SOX5: variants seen among roughly 807,000 people sequenced by gnomAD.
SOX5 encodes transcription factor SOX-5.
A neutral mutation model predicts 92.0 loss-of-function variants in SOX5; 9 were observed. That is an observed-to-expected ratio of 0.10 (90% CI 0.06 to 0.17). SOX5 has a LOEUF of 0.17. Among genes scored for constraint, SOX5 ranks in the 10% least tolerant of loss-of-function variants. The pLI is 1.00. For synonymous variants in SOX5, 344 were observed against 336.3 expected (o/e 1.02, Z -0.25); for missense variants, 642 against 944.5 (o/e 0.68, Z 4.20).
At position 24,022,069 on chromosome 12, in the gene SOX5, T is replaced by C. The variant is rs972644713; in HGVS notation, c.-1-126045A>G. Among the ~76,000 whole-genome samples, 7 of 152,178 alleles carry C rather than the reference T, an allele frequency of 4.6e-5. No individual in the cohort carries two copies. In the East Asian group the frequency reaches 9.6e-4, roughly 21 times the overall value. On this transcript the variant is annotated intron_variant, in intron 4 of 4. Transcript: ENST00000446891. ...GCACTGGAGATAAAATGCTATCTAA[T>C]AGCAGACAACATTCTTGCTGACATG...
intron 4 of SOX5, among the ~76,000 whole-genome samples, chr12:24,093,411 T>C (rs1316431687): frequency 6.6e-6 from 1 of 151,532 alleles, no homozygotes; most frequent in Non-Finnish European, 1.5e-5. Context: ...TAGTCCCAAC[T>C]ACTCGGGAAG....
At chr12:24,318,517 C>T (rs926361556) in intron 2 of SOX5, among the ~76,000 whole-genome samples, 1 of 152,174 alleles carries the variant, frequency 6.6e-6, no homozygotes, top group Non-Finnish European at 1.5e-5. Context: ...ATCTTTTGAA[C>T]AGAGAGACAT....
At chr12:23,554,483 G>C (rs1044424656) in intron 11 of SOX5, among the ~76,000 whole-genome samples, 1 of 152,134 alleles carries the variant, frequency 6.6e-6, no homozygotes, top group African/African-American at 2.4e-5. Context: ...ACTGGGCTTT[G>C]AGCTGTAAGA....
At chr12:23,933,309 CAT>C (rs1941847195) in intron 1 of SOX5, among the ~76,000 whole-genome samples, 1 of 151,634 alleles carries the variant, frequency 6.6e-6, no homozygotes, top group African/African-American at 2.4e-5. Flanking sequence ...ATGGAAAAAA[CAT>C]AACATATACT....
At chr12:23,779,943 GAC>G (rs2095237146) in intron 3 of SOX5, among the ~76,000 whole-genome samples, 1 of 124,318 alleles carries the variant, frequency 8.0e-6, no homozygotes, top group Non-Finnish European at 1.7e-5. Context: ...GTGTGCATGA[GAC>G]ACAGCGAGAC....
chr12:23,835,109 G>T (rs543877454), intron 3 of SOX5, among the ~76,000 whole-genome samples: 1 of 151,494 alleles, frequency 6.6e-6, no homozygotes, highest in African/African-American at 2.4e-5. Flanking sequence ...CTGGACACCC[G>T]GAAGTAGAGA....
At chr12:24,182,117 AGTT>A (rs1955558711) in intron 4 of SOX5, among the ~76,000 whole-genome samples, 1 of 152,196 alleles carries the variant, frequency 6.6e-6, no homozygotes, top group Non-Finnish European at 1.5e-5. Context: ...TAGAGATAAT[AGTT>A]ATTAATAAAG....
intron 1 of SOX5, among the ~76,000 whole-genome samples, chr12:24,530,719 A>G (rs1255405173): frequency 6.7e-6 from 1 of 150,354 alleles, no homozygotes; most frequent in Non-Finnish European, 1.5e-5. Context: ...CTCCAGCCTG[A>G]GTGACAATGC....
At chr12:24,420,437 C>T (rs746525710) in intron 1 of SOX5, among the ~76,000 whole-genome samples, 1 of 152,058 alleles carries the variant, frequency 6.6e-6, no homozygotes, top group Non-Finnish European at 1.5e-5. Context: ...ACCATTTGAG[C>T]CTCAAAGGGT....
intron 3 of SOX5, among the ~76,000 whole-genome samples, chr12:23,813,455 C>G (rs1451249308): frequency 6.6e-6 from 1 of 152,058 alleles, no homozygotes; most frequent in African/African-American, 2.4e-5. Flanking sequence ...GGCTCATTCA[C>G]CTGCATACCA....
At chr12:24,017,593 C>G (rs1953796508) in intron 4 of SOX5, among the ~76,000 whole-genome samples, 1 of 151,528 alleles carries the variant, frequency 6.6e-6, no homozygotes, top group Non-Finnish European at 1.5e-5. Flanking sequence ...GAGTGAGACT[C>G]TATCTCAAAA....
intron 1 of SOX5, among the ~76,000 whole-genome samples, chr12:24,559,395 C>G (rs1265391173): frequency 6.6e-6 from 1 of 152,164 alleles, no homozygotes; most frequent in Non-Finnish European, 1.5e-5. Context: ...AACATTAGAA[C>G]TCTCCGTTAT....
intron 13 of SOX5, among the ~76,000 whole-genome samples, chr12:23,542,493 T>TAATC (rs1942288890): frequency 6.6e-6 from 1 of 152,226 alleles, no homozygotes; most frequent in African/African-American, 2.4e-5. Context: ...GGTATCTTTA[T>TAATC]AATCAGCACC....
At chr12:24,474,203 T>C (rs1423914571) in intron 1 of SOX5, among the ~76,000 whole-genome samples, 1 of 152,190 alleles carries the variant, frequency 6.6e-6, no homozygotes, top group East Asian at 1.9e-4. Context: ...TATAAATATT[T>C]TGTCATATAT....
At chr12:24,544,820 A>C (rs1483959045) in intron 1 of SOX5, among the ~76,000 whole-genome samples, 1 of 152,236 alleles carries the variant, frequency 6.6e-6, no homozygotes, top group East Asian at 1.9e-4. Flanking sequence ...CATTTGGTAC[A>C]TAACTTATGC....
intron 8 of SOX5, among the ~76,000 whole-genome samples, chr12:23,610,518 G>A (rs2075821050): frequency 6.6e-6 from 1 of 152,052 alleles, no homozygotes; most frequent in Admixed American, 6.6e-5. Context: ...CAGTAAAATT[G>A]AACAAATGCA....
rs193275432 is a variant in SOX5, at chr12:24,458,097, T to C, written c.-250-89458A>G. On this transcript the variant is annotated intron_variant, in intron 1 of 4. Transcript: ENST00000446891. The stretch of plus-strand genomic sequence containing the variant: ...ATTTGTATTGTGCATGTGAATCACC[T>C]GAATATCTTGTTAAAATGCATGTTC... 7.9e-5 allele frequency among the ~76,000 whole-genome samples: 12 copies of C among 152,314 alleles called. No homozygotes were observed. The East Asian group carries it at 1.9e-3, about 24-fold the overall frequency.
intron 2 of SOX5, among the ~76,000 whole-genome samples, chr12:24,294,993 C>A (rs1947037946): frequency 1.3e-5 from 2 of 152,058 alleles, no homozygotes; most frequent in Admixed American, 6.5e-5. Context: ...AGGAAACAGC[C>A]AAGCTTTCCC....
chr12:23,733,517 T>C (rs1357151334), intron 6 of SOX5, among the ~76,000 whole-genome samples: 2 of 152,114 alleles, frequency 1.3e-5, no homozygotes, highest in African/African-American at 2.4e-5. Context: ...GGCTGGAACA[T>C]CTCACTGAAC....
Sources: gnomAD v4.1 joint callset for allele counts (sites outside exome capture counted in the v4.1 genomes callset) on GRCh38, gnomAD v4.1.1 for gene constraint, MANE v1.5 for transcripts, NCBI Gene and HGNC (gene_info 2026-07-23, HGNC 2026-07-21) for gene names.